Variants in KCTD10 observed in about 807,000 individuals in gnomAD.
KCTD10 encodes the protein BTB/POZ domain-containing adapter for CUL3-mediated RhoA degradation protein 3.
Under a neutral mutation model 34.6 loss-of-function variants are expected in KCTD10, and 13 were observed. That is an observed-to-expected ratio of 0.38 (90% CI 0.24 to 0.60). The LOEUF is 0.60. Ranked by LOEUF, KCTD10 falls within the 20% of genes least tolerant of loss-of-function variation. The pLI is 0.66. For synonymous variants in KCTD10, 156 were observed against 168.8 expected, an observed-to-expected ratio of 0.92 and a Z score of 0.59; for missense variants, 256 against 420.3, an observed-to-expected ratio of 0.61 and a Z score of 3.42.
chr12:109,456,027 A>G, intron 6 of KCTD10, 91 bp downstream of exon 6: 1 of 1,224,398 alleles, frequency 8.2e-7, no homozygotes, highest in South Asian at 1.4e-5. Flanking sequence ...TTTTAAAAGC[A>G]TTTCCCTCTG....
rs575903463 is a variant in KCTD10 at position 109,460,468 on chromosome 12, T to C, written c.387+168A>G. 4 of 664,838 alleles carry C rather than the reference T, an allele frequency of 6.0e-6. No homozygotes were observed. The East Asian group carries it at 1.1e-4, about 19-fold the overall frequency. 41.2% of individuals were successfully genotyped at this position (664,838 alleles called of 1,614,324 possible). On this transcript the variant is annotated intron_variant, in intron 3 of 6. Transcript: ENST00000228495. The surrounding 1 kb of genome is among the most constrained non-coding windows in gnomAD (Gnocchi z 4.5). ...GGTGGCCTGCTGTTCCAGGGAGGCC[T>C]CTCAGGGGTCACTCCAACCGAAGGA...
chr12:109,470,513 A>G, intron 1 of KCTD10: 1 of 985,474 alleles, frequency 1.0e-6, no homozygotes, highest in Non-Finnish European at 1.2e-6. Flanking sequence ...TATCCGGCAC[A>G]TGTGTACTCA....
chr12:109,451,539 G>T lies in KCTD10; in HGVS notation c.*56C>A. ...CCGGCAGCCTGCACAGGATCTGGGTGTAGCACGGCAGGGAGTGGGGGCGGT... is the reference window on the plus strand; with the variant it reads ...CCGGCAGCCTGCACAGGATCTGGGTTTAGCACGGCAGGGAGTGGGGGCGGT... On this transcript the variant is annotated 3_prime_UTR_variant, in exon 7 of 7. Transcript: ENST00000228495. This position sits in a 1 kb window ranked among gnomAD's most constrained non-coding sequence, Gnocchi z 5.0. 1 of 1,520,174 alleles carries T rather than the reference G, an allele frequency of 6.6e-7. No individual in the cohort carries two copies. Among genetic ancestry groups the T allele is most frequent in the Non-Finnish European group, 8.9e-7 (1 of 1,117,674 alleles). The allele number at this position is 1,520,174 out of a possible 1,614,324, so 94.2% of individuals were successfully genotyped here.
chr12:109,457,397 C>A (rs2135647531), intron 5 of KCTD10: 1 of 434,684 alleles, frequency 2.3e-6, no homozygotes, highest in African/African-American at 2.0e-5. Context: ...TATATAAAAA[C>A]CACATATTGT....
intron 1 of KCTD10, chr12:109,471,233 G>A (rs1264524607): frequency 1.0e-6 from 1 of 985,434 alleles, no homozygotes; most frequent in Non-Finnish European, 1.2e-6. Context: ...GGGACTGGGA[G>A]TAAAGGGAGG....
Position 109,457,974 on chromosome 12 carries a change from A to G in KCTD10, c.474+18T>C. The G allele has an allele frequency of 1.9e-6, 3 of 1,592,388 alleles. No individual in the cohort carries two copies. The highest frequency in any genetic ancestry group is 2.6e-6 in the Non-Finnish European group (3 of 1,160,416). On this transcript the variant is annotated intron_variant, in intron 4 of 6. Transcript: ENST00000228495. ...TTCTGGTAGCAAAAGAAATTCCACA[A>G]GGGTGCCTCCAACATACCTTATTTG...
chr12:109,473,330 A>C (rs937144324), intron 1 of KCTD10, among the ~76,000 whole-genome samples: 2 of 152,228 alleles, frequency 1.3e-5, no homozygotes, highest in African/African-American at 4.8e-5. Flanking sequence ...AGACCTGTGC[A>C]TAAGGCCCCA....
intron 1 of KCTD10, among the ~76,000 whole-genome samples, chr12:109,474,847 C>T (rs575552569): frequency 2.0e-5 from 3 of 152,210 alleles, no homozygotes; most frequent in Non-Finnish European, 2.9e-5. Flanking sequence ...TAGGAAAAAA[C>T]GCACCAAATC....
chr12:109,460,667 C>A lies in KCTD10; in HGVS notation c.356G>T (p.Gly119Val), dbSNP rs1167311395. 6.2e-7 allele frequency: 1 copy of A among 1,614,098 alleles called. No homozygotes were observed. The highest frequency in any genetic ancestry group is 2.2e-5 in the East Asian group (1 of 44,872). The change falls in exon 3 of 7, where the codon GGC becomes GTC. Residue 119 changes from glycine (G) to valine (V), a missense_variant. Around this residue, in one of 3 missense-constraint regions of KCTD10, gnomAD observed 155 missense variants for 207.0 expected, o/e 0.75. Coordinates refer to ENST00000228495, the MANE Select transcript of KCTD10 (RefSeq NM_031954.5). The surrounding 1 kb of genome is among the most constrained non-coding windows in gnomAD (Gnocchi z 4.5). ...LAEAKYYLVQGLVEECQAALQ... is the reference protein window; with the variant it reads ...LAEAKYYLVQVLVEECQAALQ... Reference sequence around the variant, plus strand: ...GGCCGCCTGGCACTCTTCCACCAGGCCTTGGACTAGGTAGTACTTGGCTTC... The same window carrying A: ...GGCCGCCTGGCACTCTTCCACCAGGACTTGGACTAGGTAGTACTTGGCTTC...
chr12:109,457,514 C>T (rs1423583771), intron 5 of KCTD10, 116 bp downstream of exon 5: 19 of 810,808 alleles, frequency 2.3e-5, no homozygotes, highest in Non-Finnish European at 4.1e-5. Flanking sequence ...TCTATCCAGG[C>T]AGAGAGGTAC....
At chr12:109,455,918 G>A (rs1347810584) in intron 6 of KCTD10, among the ~76,000 whole-genome samples, 200 bp downstream of exon 6, 1 of 152,144 alleles carries the variant, frequency 6.6e-6, no homozygotes, top group Non-Finnish European at 1.5e-5. Context: ...CAGCAAGGTA[G>A]GGAGCTAAAG....
At chr12:109,477,169 C>G in intron 1 of KCTD10, 91 bp downstream of exon 1, 1 of 1,519,498 alleles carries the variant, frequency 6.6e-7, no homozygotes, top group Non-Finnish European at 9.0e-7. Flanking sequence ...CCTCATCACA[C>G]CCCCTCCTCT....
chr12:109,458,327 C>T, intron 3 of KCTD10: 1 of 445,422 alleles, frequency 2.2e-6, no homozygotes, highest in South Asian at 3.4e-5. Flanking sequence ...ACACATTTTC[C>T]ACAGCCCAGG....
At position 109,450,330 on chromosome 12, in the gene KCTD10, G is replaced by A. The variant is rs368352301; in HGVS notation, c.*1265C>T. 23 of 382,900 alleles carry A rather than the reference G, an allele frequency of 6.0e-5. No homozygotes were observed. The highest frequency in any genetic ancestry group is 5.5e-4 in the African/African-American group (23 of 42,082). The allele number at this position is 382,900 out of a possible 1,614,324, so 23.7% of individuals were successfully genotyped here. A position where few individuals can be genotyped will look rare whatever the true frequency, so the allele number is the denominator to read the frequency against. ...AGAACACCCGTCCTACATAGGCGCT[G>A]CGCCCAGCCGGGCTCCAGCAGGGGC... On this transcript the variant is annotated 3_prime_UTR_variant, in exon 7 of 7. Transcript: ENST00000228495.
chr12:109,456,826 G>A (rs1449854543), intron 5 of KCTD10: 1 of 163,186 alleles, frequency 6.1e-6, no homozygotes, highest in African/African-American at 2.4e-5. Context: ...TGGTGGGAAT[G>A]TAAAATGGTG....
intron 2 of KCTD10, among the ~76,000 whole-genome samples, chr12:109,466,990 A>T (rs1366909966): frequency 6.6e-6 from 1 of 152,266 alleles, no homozygotes; most frequent in Non-Finnish European, 1.5e-5. Context: ...AAGGACCGAC[A>T]GGATCGCTCT....
intron 1 of KCTD10, among the ~76,000 whole-genome samples, chr12:109,474,105 G>A (rs1158665449): frequency 5.9e-5 from 9 of 151,840 alleles, no homozygotes; most frequent in Admixed American, 5.9e-4. Flanking sequence ...AGTACAGACG[G>A]GATTTCTCCA....
In KCTD10 at chr12:109,451,616, G is replaced by A. The variant is rs375972261; in HGVS notation, c.921C>T (p.Asp307=). Reference sequence around the variant, plus strand: ...CTGCTCACTGGTGGAGGTGGGCCCGGTCATCAGGGCGCTTGATGTGGATCC... The same window carrying A: ...CTGCTCACTGGTGGAGGTGGGCCCGATCATCAGGGCGCTTGATGTGGATCC... ...VRRIHIKRPD[D]RAHLHQ Residue 307 remains aspartate (D), a synonymous_variant, in exon 7 of 7, where the codon GAC becomes GAT. Transcript: ENST00000228495. The surrounding 1 kb of genome is among the most constrained non-coding windows in gnomAD (Gnocchi z 5.0). The A allele has an allele frequency of 4.4e-6, 7 of 1,608,754 alleles. No individual in the cohort carries two copies. In the African/African-American group the frequency reaches 8.0e-5, roughly 18 times the overall value.
chr12:109,470,479 C>A, intron 1 of KCTD10: 1 of 985,460 alleles, frequency 1.0e-6, no homozygotes, highest in Non-Finnish European at 1.2e-6. Context: ...GGCTGATTTA[C>A]GCAGGCCTGG....
Sources: allele counts gnomAD v4.1 joint callset (sites outside exome capture counted in the v4.1 genomes callset), GRCh38; gene constraint gnomAD v4.1.1; regional missense constraint gnomAD v4.1.1; non-coding constraint Gnocchi (gnomAD v3.1); transcripts MANE v1.5; gene names NCBI Gene and HGNC (gene_info 2026-07-23, HGNC 2026-07-21).